The following RNF214 variants were observed in gnomAD, a reference collection of about 807,000 sequenced individuals.
RNF214 encodes ring finger protein 214.
In RNF214, 25 loss-of-function variants were observed where a neutral mutation model predicts 75.9. The ratio of observed to expected loss-of-function variants is 0.33; its 90% confidence interval spans 0.24 to 0.46. The LOEUF (loss-of-function observed/expected upper bound fraction) is 0.46, where lower values mean the gene tolerates loss of function less well. Ranked by LOEUF, RNF214 falls within the 20% of genes least tolerant of loss-of-function variation. The probability of loss-of-function intolerance (pLI) is 1.00; values close to 1 mark genes in which losing one functional copy is unlikely to be tolerated. For synonymous variants in RNF214, 314 were observed against 308.8 expected, an observed-to-expected ratio of 1.02 and a Z score of -0.18; for missense variants, 725 against 857.5, an observed-to-expected ratio of 0.85 and a Z score of 1.93.
At chr11:117,268,565 C>A (rs769121391) in intron 6 of RNF214, among the ~76,000 whole-genome samples, 1 of 152,134 alleles carries the variant, frequency 6.6e-6, no homozygotes, top group African/African-American at 2.4e-5. Context: ...CTGTCTATTC[C>A]ATTACATCGA....
chr11:117,261,873 T>G (rs1228948504), intron 6 of RNF214, among the ~76,000 whole-genome samples: 14 of 151,940 alleles, frequency 9.2e-5, no homozygotes. Context: ...CTCGATCTCC[T>G]GACCTCAAGC....
intron 6 of RNF214, among the ~76,000 whole-genome samples, chr11:117,274,127 C>G (rs538356275): frequency 2.0e-5 from 3 of 152,142 alleles, no homozygotes; most frequent in African/African-American, 4.8e-5. Flanking sequence ...GTTTCTCCCC[C>G]CTCTTCTTCC....
At chr11:117,234,435 G>A (rs1371416185) in intron 2 of RNF214, 56 bp downstream of exon 2, 1 of 1,242,592 alleles carries the variant, frequency 8.0e-7, no homozygotes, top group Non-Finnish European at 1.2e-6. Flanking sequence ...TTTTTGAGAT[G>A]GTCTTGTGTA....
At chr11:117,271,201 G>A (rs1241743751) in intron 6 of RNF214, among the ~76,000 whole-genome samples, 1 of 152,114 alleles carries the variant, frequency 6.6e-6, no homozygotes, top group Non-Finnish European at 1.5e-5. Context: ...CGCCCAGCCA[G>A]TTTTCTTTAA....
At chr11:117,265,129 C>T (rs1322860426) in intron 6 of RNF214, among the ~76,000 whole-genome samples, 2 of 150,958 alleles carry the variant, frequency 1.3e-5, no homozygotes, top group Non-Finnish European at 1.5e-5. Context: ...TTAATTAGAG[C>T]CTTTAGTTCA....
rs1053431501 is a variant in RNF214, at chr11:117,285,419, A to C, written c.*268A>C. 3.8e-5 allele frequency: 12 copies of C among 312,662 alleles called. No homozygotes were observed. Among genetic ancestry groups the C allele is most frequent in the Non-Finnish European group, 7.1e-5 (12 of 168,508 alleles). 19.4% of individuals were successfully genotyped at this position (312,662 alleles called of 1,614,324 possible). The stretch of plus-strand genomic sequence containing the variant: ...GAAGATGATGTTTAGTTTGGCCTTG[A>C]AATTATGATATCCCTGCCCAGGGCT... On this transcript the variant is annotated 3_prime_UTR_variant, in exon 15 of 15. Transcript: ENST00000300650.
intron 1 of RNF214, among the ~76,000 whole-genome samples, chr11:117,233,476 C>T (rs368219456): frequency 5.9e-5 from 9 of 152,222 alleles, no homozygotes; most frequent in Admixed American, 4.6e-4. Flanking sequence ...GCAAACTAAC[C>T]CGATGTTCAT....
At chr11:117,236,319 G>A (rs1443942521) in intron 2 of RNF214, among the ~76,000 whole-genome samples, 1 of 147,500 alleles carries the variant, frequency 6.8e-6, no homozygotes, top group African/African-American at 2.5e-5. Context: ...CGTCACCCAG[G>A]CTGGAGTGCA....
At chr11:117,270,275 G>T (rs1203443989) in intron 6 of RNF214, among the ~76,000 whole-genome samples, 1 of 123,922 alleles carries the variant, frequency 8.1e-6, no homozygotes, top group African/African-American at 3.3e-5. Flanking sequence ...TTTGAGTCAG[G>T]GTCTTACTCA....
intron 2 of RNF214, 56 bp from the exon 3 acceptor site, chr11:117,238,545 T>C (rs2032975975): frequency 1.4e-6 from 2 of 1,461,010 alleles, no homozygotes; most frequent in Admixed American, 2.1e-5. Flanking sequence ...TTTGTTCTTC[T>C]AGTAGTTAGG....
chr11:117,285,049 C>G, intron 14 of RNF214, 37 bp from the exon 15 acceptor site: 1 of 1,487,948 alleles, frequency 6.7e-7, no homozygotes, highest in Non-Finnish European at 9.4e-7. Context: ...CTTTGTTTTT[C>G]CAGATAAACC....
At chr11:117,277,330 TA>T (rs200378310) in intron 6 of RNF214, among the ~76,000 whole-genome samples, 12 of 151,332 alleles carry the variant, frequency 7.9e-5, no homozygotes, top group African/African-American at 1.5e-4. Flanking sequence ...GTGACAGCCT[TA>T]AAAAAAAATT....
intron 6 of RNF214, among the ~76,000 whole-genome samples, chr11:117,270,241 C>CTTTTTTTTTTTTTTT (rs57144374): frequency 1.8e-3 from 139 of 75,844 alleles, no homozygotes; most frequent in Non-Finnish European, 2.6e-3. Context: ...CTTTTCTTTT[C>CTTTTTTTTTTTTTTT]TTTTTTTTTT....
intron 2 of RNF214, among the ~76,000 whole-genome samples, chr11:117,234,739 T>C (rs1355825196): frequency 6.6e-6 from 1 of 152,236 alleles, no homozygotes; most frequent in Non-Finnish European, 1.5e-5. Context: ...TATGTATACA[T>C]ACAGATACAC....
In RNF214 at chr11:117,234,261, G is replaced by A. The variant is rs1470195845; in HGVS notation, c.-6-6G>A. The stretch of plus-strand genomic sequence containing the variant: ...TGTAGCCTGTAATTTGTTTCTGAAT[G>A]TACAGAGCATAATGGCAGCGTCTGA... On this transcript the variant is annotated splice_region_variant and splice_polypyrimidine_tract_variant and intron_variant, in intron 1 of 14. Transcript: ENST00000300650. The A allele has an allele frequency of 1.2e-6, 2 of 1,603,888 alleles. No homozygotes were observed. Among genetic ancestry groups the A allele is most frequent in the African/African-American group, 1.3e-5 (1 of 74,844 alleles).
At chr11:117,239,735 G>A in intron 3 of RNF214, 66 bp from the exon 4 acceptor site, 2 of 847,474 alleles carry the variant, frequency 2.4e-6, no homozygotes, top group Non-Finnish European at 4.1e-6. Flanking sequence ...AATTCTAGGT[G>A]TTAGTGATTC....
chr11:117,283,625 T>G (rs1482095858), intron 14 of RNF214, among the ~76,000 whole-genome samples: 2 of 151,578 alleles, frequency 1.3e-5, no homozygotes, highest in South Asian at 2.1e-4. Context: ...TCCCAAAGTG[T>G]TGGGAGTACA....
In RNF214 at chr11:117,238,950, A is replaced by G. The variant is rs2134355980; in HGVS notation, c.457A>G (p.Lys153Glu). The G allele has an allele frequency of 6.2e-7, 1 of 1,614,164 alleles. No individual in the cohort carries two copies. Among genetic ancestry groups the G allele is most frequent in the East Asian group, 2.2e-5 (1 of 44,882 alleles). The change falls in exon 3 of 15, where the codon AAA becomes GAA. Residue 153 changes from lysine to glutamate, a missense_variant. Lys to Glu is a moderately conservative substitution (Grantham distance 56). Coordinates refer to ENST00000300650, the MANE Select transcript of RNF214 (RefSeq NM_207343.4). Reference sequence around the variant, plus strand: ...TGCCTCCAGGAATTGCTCTGAAGAGAAATCCCCACAAACCTCCATCCTAAA... The same window carrying G: ...TGCCTCCAGGAATTGCTCTGAAGAGGAATCCCCACAAACCTCCATCCTAAA... The part of the protein sequence containing the change: ...QLASRNCSEE[K>E]SPQTSILKEG...
chr11:117,243,465 A>G (rs1011806419), intron 4 of RNF214, among the ~76,000 whole-genome samples: 2 of 152,198 alleles, frequency 1.3e-5, no homozygotes, highest in African/African-American at 4.8e-5. Context: ...TTTTGTTAAA[A>G]TGATTATAAT....
Sources: gnomAD v4.1 joint callset for allele counts (sites outside exome capture counted in the v4.1 genomes callset) on GRCh38, gnomAD v4.1.1 for gene constraint, MANE v1.5 for transcripts, NCBI Gene and HGNC (gene_info 2026-07-23, HGNC 2026-07-21) for gene names.